DNAJC2: variants seen among roughly 807,000 people sequenced by gnomAD.
DNAJC2 encodes the protein DnaJ heat shock protein family (Hsp40) member C2, also known as dnaJ homolog subfamily C member 2.
Under a neutral mutation model 94.0 loss-of-function variants are expected in DNAJC2, and 32 were observed. The observed-to-expected ratio is 0.34, with a 90% CI of 0.26 to 0.46. DNAJC2 has a LOEUF of 0.46. Among genes scored for constraint, DNAJC2 ranks in the 20% least tolerant of loss-of-function variants. DNAJC2 has a pLI of 1.00. For synonymous variants in DNAJC2, 210 were observed against 229.7 expected (o/e 0.91, Z 0.77); for missense variants, 550 against 719.5 (o/e 0.76, Z 2.69).
chr7:103,312,819 T>A, intron 16 of DNAJC2, 128 bp downstream of exon 16: 1 of 1,518,884 alleles, frequency 6.6e-7, no homozygotes, highest in Non-Finnish European at 8.8e-7. Flanking sequence ...CTCATAATAT[T>A]GACCCCATAA....
chr7:103,323,787 C>G, intron 6 of DNAJC2, 124 bp from the exon 7 acceptor site: 2 of 720,224 alleles, frequency 2.8e-6, no homozygotes, highest in Non-Finnish European at 4.0e-6. Flanking sequence ...GAACTAAGGT[C>G]AAGTCTTTCT....
At chr7:103,327,486 T>G in intron 4 of DNAJC2, 170 bp downstream of exon 4, 1 of 685,402 alleles carries the variant, frequency 1.5e-6, no homozygotes, top group Non-Finnish European at 2.4e-6. Flanking sequence ...CACCTCACTT[T>G]GTGTCGTGAG....
Position 103,339,097 on chromosome 7 carries a change from C to G in DNAJC2, c.256-1286G>C, listed in dbSNP as rs1485229331. The stretch of plus-strand genomic sequence containing the variant: ...TTCCAAACTTACTTGACCAAAGACC[C>G]CTTTTTTCTCTTAGCACCTGTTGAT... On this transcript the variant is annotated intron_variant, in intron 2 of 16. Coordinates refer to ENST00000379263, the MANE Select transcript of DNAJC2 (RefSeq NM_014377.3). 2.0e-5 allele frequency among the ~76,000 whole-genome samples: 3 copies of G among 152,256 alleles called. No homozygotes were observed. The East Asian group carries it at 5.8e-4, about 29-fold the overall frequency.
chr7:103,320,925 C>T (rs1661420676), intron 10 of DNAJC2: 1 of 154,062 alleles, frequency 6.5e-6, no homozygotes. Context: ...TGGCCAGGTG[C>T]AGTGGCTCAT....
chr7:103,316,860 A>T lies in DNAJC2; in HGVS notation c.1397T>A (p.Val466Glu). The change falls in exon 13 of 17, where the codon GTG (valine) becomes GAG (glutamate). Residue 466 changes from valine (V) to glutamate (E), a missense_variant. Physicochemically the swap from Val to Glu is moderately radical, Grantham distance 121. This residue lies in a region of DNAJC2 where 271 missense variants were observed against 302.6 expected (regional missense o/e 0.90). Transcript: ENST00000379263. ...ATTTGTTCCAGCAGGGAACAGATTC[A>T]CAGCTTTAATTAGTAATTGTAGATC... ...EDDLQLLIKA[V>E]NLFPAGTNSR... is the part of the protein sequence containing the mutation. 1 of 1,613,970 alleles carries T rather than the reference A, an allele frequency of 6.2e-7. No individual in the cohort carries two copies.
intron 3 of DNAJC2, among the ~76,000 whole-genome samples, chr7:103,332,909 C>T (rs1819030866): frequency 6.6e-6 from 1 of 152,186 alleles, no homozygotes; most frequent in Non-Finnish European, 1.5e-5. Context: ...AAGGCATGAG[C>T]CACCATGATT....
At position 103,343,700 on chromosome 7, in the gene DNAJC2, T is replaced by C. The variant is rs551177745; in HGVS notation, c.64+859A>G. ...TAGCAATTCAAAAAAGGAAAATCCC[T>C]GAACAACTTATTTTAAGATTTCCTC... On this transcript the variant is annotated intron_variant, in intron 1 of 16. Coordinates refer to ENST00000379263, the MANE Select transcript of DNAJC2 (RefSeq NM_014377.3). 4.6e-5 allele frequency among the ~76,000 whole-genome samples: 7 copies of C among 152,330 alleles called. No homozygotes were observed. In the East Asian group the frequency reaches 1.3e-3, roughly 29 times the overall value.
chr7:103,338,984 G>C (rs1356171702), intron 2 of DNAJC2, among the ~76,000 whole-genome samples: 1 of 152,078 alleles, frequency 6.6e-6, no homozygotes, highest in Non-Finnish European at 1.5e-5. Context: ...TTGATGATTT[G>C]TATGCACAAA....
intron 13 of DNAJC2, 28 bp from the exon 14 acceptor site, chr7:103,316,116 G>T (rs768480163): frequency 4.4e-6 from 6 of 1,371,986 alleles, no homozygotes; most frequent in Non-Finnish European, 6.0e-6. Flanking sequence ...ACAATAATAT[G>T]AATAGTAGTA....
intron 3 of DNAJC2, chr7:103,337,386 C>A: frequency 5.9e-6 from 1 of 168,200 alleles, no homozygotes; most frequent in South Asian, 1.9e-4. Context: ...AAACCAAAAA[C>A]CAAAAAACAA....
chr7:103,318,297 T>G (rs908362760), intron 12 of DNAJC2, among the ~76,000 whole-genome samples: 4 of 152,106 alleles, frequency 2.6e-5, no homozygotes, highest in African/African-American at 9.7e-5. Context: ...TCCTGAGAAG[T>G]TGGGACTACA....
intron 3 of DNAJC2, chr7:103,329,641 A>T (rs567323856): frequency 5.3e-5 from 8 of 152,284 alleles, no homozygotes; most frequent in Admixed American, 3.9e-4. Flanking sequence ...TCAAAATCTT[A>T]CTGTCATTTA....
intron 4 of DNAJC2, 21 bp downstream of exon 4, chr7:103,327,635 G>C (rs1234905946): frequency 6.8e-7 from 1 of 1,467,124 alleles, no homozygotes; most frequent in Admixed American, 1.8e-5. Flanking sequence ...AGAAATTCCT[G>C]ACTCTAAAGC....
chr7:103,342,610 AT>A (rs1216827265), intron 1 of DNAJC2, among the ~76,000 whole-genome samples: 345 of 136,338 alleles, frequency 2.5e-3, no homozygotes, highest in Middle Eastern at 7.6e-3. Context: ...CACCTGGACA[AT>A]TTTTTTTTTT....
In DNAJC2 at chr7:103,315,985, C is replaced by T. The variant is rs200875427; in HGVS notation, c.1528+3G>A. ...AGTAACAAATGGACTTCTCAAAACT[C>T]ACCAAGTTTTTGGAGACTCTTTGCT... is the stretch of plus-strand genomic sequence containing the variant. On this transcript the variant is annotated splice_donor_region_variant and intron_variant, in intron 14 of 16. Coordinates refer to ENST00000379263, the MANE Select transcript of DNAJC2 (RefSeq NM_014377.3). The T allele has an allele frequency of 3.4e-4, 534 of 1,587,880 alleles. 2 individuals carry two copies. The highest frequency in any genetic ancestry group is 3.0e-3 in the Admixed American group (163 of 55,226).
intron 7 of DNAJC2, 49 bp from the exon 8 acceptor site, chr7:103,322,843 G>A: frequency 5.0e-6 from 7 of 1,394,960 alleles, no homozygotes; most frequent in Non-Finnish European, 7.0e-6. Context: ...TAGATGCTAT[G>A]ACTGGAAAAT....
intron 3 of DNAJC2, among the ~76,000 whole-genome samples, chr7:103,328,679 A>G (rs1257362492): frequency 2.0e-5 from 3 of 152,078 alleles, no homozygotes; most frequent in Admixed American, 1.3e-4. Flanking sequence ...GTATGTACTA[A>G]TTTATATTCT....
At chr7:103,333,617 G>A (rs1006451179) in intron 3 of DNAJC2, among the ~76,000 whole-genome samples, 13 of 152,138 alleles carry the variant, frequency 8.5e-5, no homozygotes, top group East Asian at 1.9e-4. Context: ...AATATAGGCC[G>A]TTTCCATCAT....
chr7:103,316,151 A>G, intron 13 of DNAJC2, 63 bp from the exon 14 acceptor site: 1 of 1,062,986 alleles, frequency 9.4e-7, no homozygotes, highest in South Asian at 1.8e-5. Context: ...GAAACGACAA[A>G]AACCATTAGA....
Sources: allele counts gnomAD v4.1 joint callset (sites outside exome capture counted in the v4.1 genomes callset), GRCh38; gene constraint gnomAD v4.1.1; regional missense constraint gnomAD v4.1.1; transcripts MANE v1.5; gene names NCBI Gene and HGNC (gene_info 2026-07-23, HGNC 2026-07-21).